The following TFEC variants were observed in gnomAD, a reference collection of about 807,000 sequenced individuals.
TFEC encodes transcription factor EC.
TFEC carries 31 observed loss-of-function variants against 41.6 expected under a neutral mutation model. The observed-to-expected ratio is 0.74, with a 90% CI of 0.56 to 1.01. TFEC has a LOEUF of 1.01. Ranked by LOEUF, TFEC falls within the 50% of genes least tolerant of loss-of-function variation. TFEC has a pLI of 0.00. For synonymous variants in TFEC, 143 were observed against 140.6 expected, an observed-to-expected ratio of 1.02 and a Z score of -0.12; for missense variants, 402 against 404.1, an observed-to-expected ratio of 0.99 and a Z score of 0.04.
chr7:116,056,105 C>G (rs2130972006), intron 3 of TFEC, among the ~76,000 whole-genome samples: 1 of 152,032 alleles, frequency 6.6e-6, no homozygotes, highest in South Asian at 2.1e-4. Flanking sequence ...AACCATAAAA[C>G]AGACAAAATA....
intron 3 of TFEC, among the ~76,000 whole-genome samples, chr7:116,094,709 A>G (rs1797410029): frequency 6.6e-6 from 1 of 152,094 alleles, no homozygotes; most frequent in Admixed American, 6.6e-5. Context: ...AAAAACAAAC[A>G]AACAAAAAAC....
intron 1 of TFEC, among the ~76,000 whole-genome samples, chr7:116,015,111 T>C (rs756983503): frequency 2.3e-4 from 34 of 149,438 alleles, no homozygotes; most frequent in Non-Finnish European, 3.4e-4. Context: ...ATTTATAATA[T>C]AATTATAAAT....
intron 3 of TFEC, among the ~76,000 whole-genome samples, chr7:116,058,794 TGG>T (rs1796486574): frequency 6.6e-6 from 1 of 151,724 alleles, no homozygotes; most frequent in Non-Finnish European, 1.5e-5. Context: ...AAATAACCCA[TGG>T]TTCAAAAAAA....
chr7:116,100,832 G>A (rs1584516401), intron 3 of TFEC, among the ~76,000 whole-genome samples: 4 of 152,064 alleles, frequency 2.6e-5, no homozygotes, highest in East Asian at 3.9e-4. Context: ...CTGAAAATAT[G>A]TTAGGGTGAG....
intron 4 of TFEC, 54 bp downstream of exon 4, chr7:115,956,625 T>C (rs1356535168): frequency 4.5e-6 from 6 of 1,336,962 alleles, no homozygotes; most frequent in Non-Finnish European, 6.3e-6. Flanking sequence ...ATGTCACTCA[T>C]AACTTATGTC....
At chr7:116,117,742 G>T (rs1189438249) in intron 1 of TFEC, among the ~76,000 whole-genome samples, 3 of 151,776 alleles carry the variant, frequency 2.0e-5, no homozygotes, top group Non-Finnish European at 4.4e-5. Context: ...CCAAAGATGG[G>T]ATTAGAACCT....
chr7:116,098,730 T>C (rs953818721), intron 3 of TFEC, among the ~76,000 whole-genome samples: 8 of 152,124 alleles, frequency 5.3e-5, no homozygotes, highest in African/African-American at 1.9e-4. Flanking sequence ...TGGCACCAAT[T>C]ACACAGAATC....
rs531600704 is a variant in TFEC at position 116,135,929 on chromosome 7, T to C, written c.-69+23861A>G. 3.3e-5 allele frequency among the ~76,000 whole-genome samples: 5 copies of C among 152,240 alleles called. No homozygotes were observed. In the South Asian group the frequency reaches 1.0e-3, roughly 32 times the overall value. ...GATCACAAAAACTAATACAAAAAAA[T>C]TGCTTTAGAAAATTAGCTTTTAGGG... is the stretch of plus-strand genomic sequence containing the variant. On this transcript the variant is annotated intron_variant, in intron 1 of 8. Transcript: ENST00000484212.
intron 1 of TFEC, among the ~76,000 whole-genome samples, chr7:116,009,545 T>A (rs532374997): frequency 6.6e-6 from 1 of 152,208 alleles, no homozygotes; most frequent in African/African-American, 2.4e-5. Context: ...AAAACAGATA[T>A]AACCCACTCT....
chr7:116,076,297 C>T (rs1234560611), intron 3 of TFEC, among the ~76,000 whole-genome samples: 7 of 152,104 alleles, frequency 4.6e-5, no homozygotes, highest in Admixed American at 4.6e-4. Context: ...CCAGATTTCC[C>T]TCTGACATAG....
Position 116,030,701 on chromosome 7 carries a change from A to G in TFEC, c.-141T>C, listed in dbSNP as rs1267902580. ...GCACCAAATTATAATCCCTCTTCCC[A>G]TAACATATGCACCATGCCAGAAGGG... On this transcript the variant is annotated 5_prime_UTR_variant, in exon 1 of 8. The change abolishes an upstream ATG in the 5' untranslated region. Coordinates refer to ENST00000265440, the MANE Select transcript of TFEC (RefSeq NM_012252.4). 2.0e-6 allele frequency: 2 copies of G among 985,292 alleles called. No individual in the cohort carries two copies. Among genetic ancestry groups the G allele is most frequent in the East Asian group, 1.1e-4 (1 of 8,830 alleles). 61.0% of individuals were successfully genotyped at this position (985,292 alleles called of 1,614,324 possible).
At chr7:116,060,628 T>C (rs1416727923) in intron 3 of TFEC, among the ~76,000 whole-genome samples, 1 of 152,100 alleles carries the variant, frequency 6.6e-6, no homozygotes, top group Non-Finnish European at 1.5e-5. Flanking sequence ...CCAAATACTG[T>C]ATGTTTTCAC....
chr7:116,039,308 A>G (rs761887114), intron 3 of TFEC, among the ~76,000 whole-genome samples: 2 of 152,086 alleles, frequency 1.3e-5, no homozygotes, highest in Non-Finnish European at 2.9e-5. Context: ...AATAAGAAGA[A>G]GAGAAAAAAG....
chr7:116,067,479 C>T (rs1327011036), intron 3 of TFEC, among the ~76,000 whole-genome samples: 1 of 151,910 alleles, frequency 6.6e-6, no homozygotes, highest in East Asian at 1.9e-4. Context: ...AATCAATCAA[C>T]CGAGTATTTT....
intron 4 of TFEC, among the ~76,000 whole-genome samples, chr7:115,955,668 CT>C (rs1792185374): frequency 6.6e-6 from 1 of 151,996 alleles, no homozygotes; most frequent in Non-Finnish European, 1.5e-5. Flanking sequence ...ATGTTTATTA[CT>C]TTGAGATTAT....
At chr7:115,966,843 C>T (rs796702832) in intron 3 of TFEC, among the ~76,000 whole-genome samples, 3 of 151,894 alleles carry the variant, frequency 2.0e-5, no homozygotes, top group South Asian at 2.1e-4. Context: ...TAAGGCTCAA[C>T]GTTGGGAAAG....
At chr7:116,127,244 C>G (rs1024360564) in intron 1 of TFEC, among the ~76,000 whole-genome samples, 1 of 151,916 alleles carries the variant, frequency 6.6e-6, no homozygotes, top group African/African-American at 2.4e-5. Flanking sequence ...TACAGGCACC[C>G]GCCACCACGC....
chr7:115,984,592 G>A (rs1793772380), intron 1 of TFEC, 79 bp from the exon 2 acceptor site: 1 of 1,505,712 alleles, frequency 6.6e-7, no homozygotes, highest in Middle Eastern at 1.8e-4. Context: ...AATTGCACTA[G>A]GATAATAAAC....
intron 1 of TFEC, among the ~76,000 whole-genome samples, chr7:115,989,155 C>T (rs1793989310): frequency 1.3e-5 from 2 of 152,070 alleles, no homozygotes; most frequent in Non-Finnish European, 2.9e-5. Context: ...AAAAGTCAGA[C>T]CTACATAGAG....
Sources: allele counts gnomAD v4.1 joint callset (sites outside exome capture counted in the v4.1 genomes callset), GRCh38; gene constraint gnomAD v4.1.1; transcripts MANE v1.5; gene names NCBI Gene and HGNC (gene_info 2026-07-23, HGNC 2026-07-21).